Variants in KHDC1 observed in about 807,000 individuals in gnomAD.
KHDC1 encodes the protein KH domain containing 1.
KHDC1 carries 21 observed loss-of-function variants against 24.7 expected under a neutral mutation model. The ratio of observed to expected loss-of-function variants is 0.85; its 90% CI spans 0.60 to 1.23. KHDC1 has a LOEUF of 1.23. Ranked by LOEUF, KHDC1 falls within the 50% of genes most tolerant of loss-of-function variation. KHDC1 has a pLI of 0.00. For missense variants in KHDC1, 274 were observed against 298.5 expected, an observed-to-expected ratio of 0.92 and a Z score of 0.61; for synonymous variants, 98 against 111.7, an observed-to-expected ratio of 0.88 and a Z score of 0.77.
chr6:73,249,099 G>A (rs79060370), intron 2 of KHDC1, among the ~76,000 whole-genome samples: 1,535 of 152,116 alleles, frequency 0.01, 22 homozygotes, highest in East Asian at 0.061. Flanking sequence ...ATTAACCCTT[G>A]AGTGAAATAA....
intron 2 of KHDC1, among the ~76,000 whole-genome samples, chr6:73,272,725 G>A (rs1235556429): frequency 5.3e-5 from 8 of 151,064 alleles, no homozygotes; most frequent in African/African-American, 1.2e-4. Context: ...GCAGTGAGCC[G>A]AGATGGCACC....
intron 2 of KHDC1, among the ~76,000 whole-genome samples, chr6:73,259,546 C>T (rs146589806): frequency 0.016 from 2,485 of 152,134 alleles, 34 homozygotes; most frequent in Middle Eastern, 0.034. Context: ...ATTTGGTCCC[C>T]AATTTTTAGA....
At chr6:73,303,890 T>C (rs1199275936) in intron 1 of KHDC1, among the ~76,000 whole-genome samples, 1 of 152,110 alleles carries the variant, frequency 6.6e-6, no homozygotes, top group African/African-American at 2.4e-5. Flanking sequence ...TTGAAAATTA[T>C]TTTGTGGGCT....
At chr6:73,254,990 A>G (rs2603473) in intron 2 of KHDC1, among the ~76,000 whole-genome samples, 38,808 of 151,430 alleles carry the variant, frequency 0.26, 6,356 homozygotes, top group African/African-American at 0.48. Context: ...GAACAAGAGC[A>G]AGACTCCGTC....
At chr6:73,306,679 C>T (rs1205168324) in intron 1 of KHDC1, among the ~76,000 whole-genome samples, 2 of 140,408 alleles carry the variant, frequency 1.4e-5, no homozygotes, top group African/African-American at 5.3e-5. Flanking sequence ...GTTGGTGCCC[C>T]GGGGCAGTGG....
intron 2 of KHDC1, among the ~76,000 whole-genome samples, chr6:73,259,786 G>GA (rs1766945994): frequency 6.6e-6 from 1 of 152,142 alleles, no homozygotes; most frequent in Non-Finnish European, 1.5e-5. Context: ...TTTTGTAATT[G>GA]AATCTATTCA....
chr6:73,298,437 T>G (rs1445661009), intron 1 of KHDC1, among the ~76,000 whole-genome samples: 6 of 115,262 alleles, frequency 5.2e-5, no homozygotes, highest in African/African-American at 1.8e-4. Flanking sequence ...TTTTTTTTTT[T>G]TTTTTTTTTT....
chr6:73,303,643 A>C (rs998167389), intron 1 of KHDC1, among the ~76,000 whole-genome samples: 2 of 152,226 alleles, frequency 1.3e-5, no homozygotes, highest in Non-Finnish European at 2.9e-5. Context: ...GTATAGCTTC[A>C]GTCTAATCCT....
intron 2 of KHDC1, among the ~76,000 whole-genome samples, chr6:73,254,669 G>A (rs1369549736): frequency 6.6e-6 from 1 of 152,000 alleles, no homozygotes. Context: ...TTGTGTATGT[G>A]TATTTATCTG....
chr6:73,272,518 G>A (rs868218363), intron 2 of KHDC1, among the ~76,000 whole-genome samples: 15 of 151,924 alleles, frequency 9.9e-5, no homozygotes, highest in East Asian at 2.0e-4. Context: ...GCTCACACCC[G>A]TAATCCCAGC....
At chr6:73,273,612 C>A (rs1767220582) in intron 2 of KHDC1, among the ~76,000 whole-genome samples, 2 of 150,860 alleles carry the variant, frequency 1.3e-5, no homozygotes, top group African/African-American at 4.9e-5. Flanking sequence ...GTCAGGAGAT[C>A]GAGACCATCC....
intron 1 of KHDC1, chr6:73,300,303 T>A (rs1288366544): frequency 6.6e-6 from 1 of 152,278 alleles, no homozygotes; most frequent in Non-Finnish European, 1.5e-5. Context: ...TTTTCCTTCG[T>A]AGCTTTGTAG....
At chr6:73,266,331 G>A (rs1248114025) in intron 2 of KHDC1, among the ~76,000 whole-genome samples, 2 of 152,166 alleles carry the variant, frequency 1.3e-5, no homozygotes, top group Non-Finnish European at 2.9e-5. Context: ...CATACCACAG[G>A]TGTTCTTCTA....
intron 1 of KHDC1, among the ~76,000 whole-genome samples, chr6:73,307,995 C>T (rs998250367): frequency 3.9e-4 from 59 of 151,956 alleles, no homozygotes; most frequent in African/African-American, 1.4e-3. Context: ...CTCTGCCTCC[C>T]GGGCTCAAGC....
At chr6:73,250,339 A>C (rs1766755304) in intron 2 of KHDC1, among the ~76,000 whole-genome samples, 1 of 152,236 alleles carries the variant, frequency 6.6e-6, no homozygotes, top group African/African-American at 2.4e-5. Flanking sequence ...TTTTGAAATG[A>C]AGCAAAACCT....
intron 2 of KHDC1, chr6:73,262,832 T>C: frequency 2.0e-6 from 2 of 985,602 alleles, no homozygotes; most frequent in Non-Finnish European, 2.4e-6. Flanking sequence ...GAGGAAATTA[T>C]CCCACAAAGC....
chr6:73,260,567 T>C (rs1766962902), intron 2 of KHDC1, among the ~76,000 whole-genome samples: 1 of 152,354 alleles, frequency 6.6e-6, no homozygotes, highest in South Asian at 2.1e-4. Flanking sequence ...AAAAGTTAAA[T>C]TAGAATGTCT....
At chr6:73,287,403 A>C (rs561631515) in intron 2 of KHDC1, among the ~76,000 whole-genome samples, 37 of 152,334 alleles carry the variant, frequency 2.4e-4, no homozygotes, top group African/African-American at 8.9e-4. Context: ...TAAATGACTA[A>C]GGAAAAATAC....
chr6:73,286,794 A>G (rs1325048122), intron 2 of KHDC1, among the ~76,000 whole-genome samples: 1 of 152,052 alleles, frequency 6.6e-6, no homozygotes, highest in Non-Finnish European at 1.5e-5. Flanking sequence ...GAGGCAGGAG[A>G]ATCACTTGAA....
Sources: allele counts gnomAD v4.1 joint callset (sites outside exome capture counted in the v4.1 genomes callset), GRCh38; gene constraint gnomAD v4.1.1; transcripts MANE v1.5; gene names NCBI Gene and HGNC (gene_info 2026-07-23, HGNC 2026-07-21).